The following SDCCAG8 variants were observed in gnomAD, a reference collection of about 807,000 sequenced individuals.
The protein encoded by SDCCAG8 is serologically defined colon cancer antigen 8.
In SDCCAG8, 74 loss-of-function variants were observed where a neutral mutation model predicts 101.8. The observed-to-expected ratio is 0.73, with a 90% CI of 0.60 to 0.88. The LOEUF is 0.88. Ranked by LOEUF, SDCCAG8 falls within the 40% of genes least tolerant of loss-of-function variation. The pLI, the probability that SDCCAG8 is intolerant of heterozygous loss-of-function variation, is 0.00. For missense variants in SDCCAG8, 787 were observed against 822.6 expected (o/e 0.96, Z 0.53); for synonymous variants, 281 against 292.9 (o/e 0.96, Z 0.41).
At chr1:243,470,910 G>A (rs1035913960) in intron 16 of SDCCAG8, among the ~76,000 whole-genome samples, 7 of 152,066 alleles carry the variant, frequency 4.6e-5, no homozygotes, top group Admixed American at 1.3e-4. Flanking sequence ...AAGAAAAATC[G>A]CTATGTTCTC....
intron 1 of SDCCAG8, among the ~76,000 whole-genome samples, chr1:243,258,431 G>A (rs949160147): frequency 6.6e-6 from 1 of 152,146 alleles, no homozygotes; most frequent in African/African-American, 2.4e-5. Flanking sequence ...TAGAGATGGA[G>A]TCTCACTCTG....
intron 6 of SDCCAG8, among the ~76,000 whole-genome samples, chr1:243,296,992 A>C (rs2070995588): frequency 6.6e-6 from 1 of 152,164 alleles, no homozygotes; most frequent in African/African-American, 2.4e-5. Flanking sequence ...AAAGTACACA[A>C]AACAAAAATT....
rs781456866 is a variant in SDCCAG8 at position 243,271,074 on chromosome 1, A to G, written c.306+11A>G. ...AAAATGTCCCCCTTGGTAAGTATCA[A>G]CTTTTCCAAGTTGACAAAGCATTCC... On this transcript the variant is annotated intron_variant, in intron 3 of 17. Coordinates refer to ENST00000366541, the MANE Select transcript of SDCCAG8 (RefSeq NM_006642.5). 115 of 1,571,828 alleles carry G rather than the reference A, an allele frequency of 7.3e-5. 1 individual carries two copies. In the South Asian group the frequency reaches 1.2e-3, roughly 16 times the overall value.
chr1:243,445,992 G>T (rs952135080), intron 16 of SDCCAG8, among the ~76,000 whole-genome samples: 1 of 152,210 alleles, frequency 6.6e-6, no homozygotes, highest in Non-Finnish European at 1.5e-5. Flanking sequence ...CTGACTTTAG[G>T]AAGTAGAGCA....
chr1:243,481,702 C>A (rs949634356), intron 16 of SDCCAG8, among the ~76,000 whole-genome samples: 1 of 152,150 alleles, frequency 6.6e-6, no homozygotes, highest in African/African-American at 2.4e-5. Flanking sequence ...GAAGGACAAT[C>A]TTAGCTGTAG....
intron 16 of SDCCAG8, among the ~76,000 whole-genome samples, chr1:243,465,754 A>G (rs1031550178): frequency 6.6e-6 from 1 of 152,206 alleles, no homozygotes; most frequent in East Asian, 1.9e-4. Context: ...TTTCTTCCCA[A>G]ACAGCTGTTC....
rs192342858 is a variant in SDCCAG8 at position 243,458,799 on chromosome 1, C to T, written c.1986-30215C>T. ...TCAGATATGGCATTGTTTTATATTCCCATTGTCAGTGATCTCTAAACGGCA... is the reference window on the plus strand; with the variant it reads ...TCAGATATGGCATTGTTTTATATTCTCATTGTCAGTGATCTCTAAACGGCA... On this transcript the variant is annotated intron_variant, in intron 16 of 17. Transcript: ENST00000366541. This position sits in a 1 kb window ranked among gnomAD's most constrained non-coding sequence, Gnocchi z 4.5. Among the ~76,000 whole-genome samples, 6 of 152,288 alleles carry T rather than the reference C, an allele frequency of 3.9e-5. No individual in the cohort carries two copies. The highest frequency in any genetic ancestry group is 1.4e-4 in the African/African-American group (6 of 41,550).
intron 9 of SDCCAG8, 56 bp from the exon 10 acceptor site, chr1:243,330,484 T>C: frequency 6.4e-7 from 1 of 1,565,616 alleles, no homozygotes; most frequent in Non-Finnish European, 8.8e-7. Flanking sequence ...TATGTCATTT[T>C]ACCTATATTT....
At chr1:243,269,965 A>G (rs1244872415) in intron 1 of SDCCAG8, 140 bp from the exon 2 acceptor site, 2 of 1,164,938 alleles carry the variant, frequency 1.7e-6, no homozygotes, top group Non-Finnish European at 2.5e-6. Flanking sequence ...TCCCTCAGCA[A>G]GCTAGAAACA....
chr1:243,297,755 T>C (rs1019537439), intron 6 of SDCCAG8, among the ~76,000 whole-genome samples: 2 of 152,248 alleles, frequency 1.3e-5, no homozygotes, highest in African/African-American at 4.8e-5. Context: ...CCTATTCAGA[T>C]ATCCTTCTTA....
rs890498244 is a variant in SDCCAG8, at chr1:243,364,545, C to G, written c.1474-14176C>G. On this transcript the variant is annotated intron_variant, in intron 12 of 17. Coordinates refer to ENST00000366541, the MANE Select transcript of SDCCAG8 (RefSeq NM_006642.5). Reference sequence around the variant, plus strand: ...AGAGAGAGGTGACCTCAGCCAGAGCCGGTGTGTTTGTATAGGCAAGAAGAG... The same window carrying G: ...AGAGAGAGGTGACCTCAGCCAGAGCGGGTGTGTTTGTATAGGCAAGAAGAG... Among the ~76,000 whole-genome samples, 4 of 152,006 alleles carry G rather than the reference C, an allele frequency of 2.6e-5. No homozygotes were observed. The South Asian group carries it at 8.3e-4, about 31-fold the overall frequency.
At chr1:243,381,869 A>G (rs2077978216) in intron 13 of SDCCAG8, among the ~76,000 whole-genome samples, 1 of 152,188 alleles carries the variant, frequency 6.6e-6, no homozygotes, top group African/African-American at 2.4e-5. Context: ...AGGGAGGGGG[A>G]TTGGCCCATT....
intron 6 of SDCCAG8, among the ~76,000 whole-genome samples, chr1:243,294,485 GA>G (rs2070614819): frequency 4.3e-5 from 2 of 46,060 alleles, no homozygotes; most frequent in Non-Finnish European, 1.3e-4. Context: ...GGGGGGGGGA[GA>G]GAGAGAGAGA....
chr1:243,279,307 C>T (rs1286240712), intron 4 of SDCCAG8, among the ~76,000 whole-genome samples: 2 of 152,180 alleles, frequency 1.3e-5, no homozygotes, highest in East Asian at 3.9e-4. Context: ...AGATGCCTCT[C>T]GACTTAAAAT....
In SDCCAG8 at chr1:243,308,084, T is replaced by C. The variant is rs1428655766; in HGVS notation, c.836T>C (p.Val279Ala). 6.2e-7 allele frequency: 1 copy of C among 1,614,218 alleles called. No homozygotes were observed. The highest frequency in any genetic ancestry group is 2.2e-5 in the East Asian group (1 of 44,882). The change falls in exon 8 of 18, where the codon GTT becomes GCT. Residue 279 changes from valine (V) to alanine (A), a missense_variant. Physicochemically the swap from Val to Ala is moderately conservative, Grantham distance 64 (BLOSUM62 0). Transcript: ENST00000366541. ...FLLAANTCNR[V>A]GGLCLKCAQH... Reference sequence around the variant, plus strand: ...CTGGCTGCTAATACTTGTAACCGTGTTGGTGGTCTTTGTTTGAAATGTGCT... The same window carrying C: ...CTGGCTGCTAATACTTGTAACCGTGCTGGTGGTCTTTGTTTGAAATGTGCT...
intron 9 of SDCCAG8, among the ~76,000 whole-genome samples, chr1:243,325,775 G>A (rs2149343220): frequency 6.6e-6 from 1 of 152,232 alleles, no homozygotes; most frequent in East Asian, 1.9e-4. Context: ...TGTATTGAGA[G>A]GGTTAAATAA....
chr1:243,376,331 A>G (rs886692604), intron 12 of SDCCAG8, among the ~76,000 whole-genome samples: 1 of 152,198 alleles, frequency 6.6e-6, no homozygotes, highest in African/African-American at 2.4e-5. Context: ...GGAGGAAGAA[A>G]CTGTATGATA....
At chr1:243,340,949 A>G in intron 10 of SDCCAG8, 90 bp from the exon 11 acceptor site, 2 of 1,322,126 alleles carry the variant, frequency 1.5e-6, no homozygotes, top group Non-Finnish European at 2.2e-6. Flanking sequence ...GAGCCCAGTG[A>G]CTATGCTGAG....
At chr1:243,405,146 G>A (rs2079678951) in intron 13 of SDCCAG8, among the ~76,000 whole-genome samples, 1 of 152,242 alleles carries the variant, frequency 6.6e-6, no homozygotes, top group Admixed American at 6.5e-5. Flanking sequence ...GATTACAGGT[G>A]TGAGCCACCG....
Sources: gnomAD v4.1 joint callset for allele counts (sites outside exome capture counted in the v4.1 genomes callset) on GRCh38, gnomAD v4.1.1 for gene constraint, Gnocchi (gnomAD v3.1) non-coding constraint, MANE v1.5 for transcripts, NCBI Gene and HGNC (gene_info 2026-07-23, HGNC 2026-07-21) for gene names.